STXBP5: variants seen among roughly 807,000 people sequenced by gnomAD.
STXBP5 encodes the protein syntaxin-binding protein 5.
In STXBP5, 50 loss-of-function variants were observed where a neutral mutation model predicts 152.4. That is an observed-to-expected ratio of 0.33 (90% CI 0.26 to 0.42). The LOEUF (loss-of-function observed/expected upper bound fraction) is 0.42, where lower values mean the gene tolerates loss of function less well. Among genes scored for constraint, STXBP5 ranks in the 10% least tolerant of loss-of-function variants. The probability of loss-of-function intolerance (pLI) is 1.00; values close to 1 mark genes in which losing one functional copy is unlikely to be tolerated. For synonymous variants in STXBP5, 492 were observed against 494.7 expected (o/e 0.99, Z 0.07); for missense variants, 1,167 against 1,388.6 (o/e 0.84, Z 2.54).
intron 2 of STXBP5, among the ~76,000 whole-genome samples, chr6:147,225,159 G>A (rs1777646740): frequency 6.6e-6 from 1 of 152,022 alleles, no homozygotes; most frequent in African/African-American, 2.4e-5. Context: ...TTTTTACTGT[G>A]GTAAGAAGGA....
chr6:147,255,517 T>C (rs938887771), intron 4 of STXBP5, among the ~76,000 whole-genome samples: 4 of 151,886 alleles, frequency 2.6e-5, no homozygotes, highest in African/African-American at 4.8e-5. Flanking sequence ...GTTGTTGTTG[T>C]TGTTGTTGTT....
intron 7 of STXBP5, among the ~76,000 whole-genome samples, chr6:147,270,308 A>G (rs972875510): frequency 1.3e-5 from 2 of 151,270 alleles, no homozygotes; most frequent in Non-Finnish European, 2.9e-5. Flanking sequence ...CCGAGGCAGG[A>G]GAATGGCTTG....
chr6:147,268,411 A>G (rs1351317573), intron 7 of STXBP5, among the ~76,000 whole-genome samples: 2 of 152,218 alleles, frequency 1.3e-5, no homozygotes, highest in African/African-American at 4.8e-5. Flanking sequence ...AATCTTAGTC[A>G]TAATCATATT....
chr6:147,261,597 T>C (rs548275979), intron 5 of STXBP5, among the ~76,000 whole-genome samples: 1 of 152,128 alleles, frequency 6.6e-6, no homozygotes, highest in Admixed American at 6.6e-5. Context: ...TTAATCCTGG[T>C]TTTTCTTCTT....
intron 2 of STXBP5, among the ~76,000 whole-genome samples, chr6:147,219,570 T>TA (rs1777352175): frequency 6.6e-6 from 1 of 152,200 alleles, no homozygotes; most frequent in South Asian, 2.1e-4. Flanking sequence ...CTTTAATGTA[T>TA]AGAAGCCTAT....
Position 147,204,519 on chromosome 6 carries a change from G to A in STXBP5, c.-14G>A, listed in dbSNP as rs11963039. 6,080 of 1,610,046 alleles carry A rather than the reference G, an allele frequency of 3.8e-3. 213 individuals are homozygous for A. In the African/African-American group the frequency reaches 0.073, roughly 19 times the overall value. On this transcript the variant is annotated 5_prime_UTR_variant, in exon 1 of 28. Coordinates refer to ENST00000321680, the MANE Select transcript of STXBP5 (RefSeq NM_001127715.4). The surrounding 1 kb of genome is among the most constrained non-coding windows in gnomAD (Gnocchi z 4.3). ...GCCTCCCCTCCCGGGCTGCGGGGGA[G>A]CCCCTCCGAGACCATGAGGAAATTC... is the stretch of plus-strand genomic sequence containing the variant.
At position 147,217,493 on chromosome 6, in the gene STXBP5, C is replaced by T. The variant is rs891033634; in HGVS notation, c.248+11425C>T. On this transcript the variant is annotated intron_variant, in intron 2 of 27. Coordinates refer to ENST00000321680, the MANE Select transcript of STXBP5 (RefSeq NM_001127715.4). ...GTGGTTCCTTTAAAAGTATATTTAT[C>T]TATCAAAAGCCATTCTAAAGAATTG... 3.9e-5 allele frequency among the ~76,000 whole-genome samples: 6 copies of T among 152,188 alleles called. No individual in the cohort carries two copies. The East Asian group carries it at 1.2e-3, about 29-fold the overall frequency.
At chr6:147,374,656 T>G (rs1785723748) in intron 26 of STXBP5, among the ~76,000 whole-genome samples, 1 of 152,128 alleles carries the variant, frequency 6.6e-6, no homozygotes, top group African/African-American at 2.4e-5. Context: ...AATCATATAG[T>G]AAGAAGTTTT....
At chr6:147,369,251 A>G (rs1785434506) in intron 25 of STXBP5, among the ~76,000 whole-genome samples, 1 of 152,020 alleles carries the variant, frequency 6.6e-6, no homozygotes, top group Admixed American at 6.6e-5. Flanking sequence ...TAGTGCTGGA[A>G]CTATTGGATA....
chr6:147,248,245 C>T (rs567211275), intron 4 of STXBP5, among the ~76,000 whole-genome samples: 24 of 148,244 alleles, frequency 1.6e-4, no homozygotes, highest in Admixed American at 1.1e-3. Context: ...CACACCACTG[C>T]GCTCCAAACT....
At chr6:147,245,627 C>T (rs1272789342) in intron 4 of STXBP5, among the ~76,000 whole-genome samples, 2 of 152,132 alleles carry the variant, frequency 1.3e-5, no homozygotes. Flanking sequence ...ATCTTAAAGT[C>T]CTAACCCCTG....
At chr6:147,215,716 T>G (rs769700244) in intron 2 of STXBP5, among the ~76,000 whole-genome samples, 15 of 152,150 alleles carry the variant, frequency 9.9e-5, no homozygotes, top group Admixed American at 3.3e-4. Context: ...TAATACATAG[T>G]AACTCTATAT....
chr6:147,372,661 C>T (rs1324264681), intron 25 of STXBP5, among the ~76,000 whole-genome samples: 1 of 151,678 alleles, frequency 6.6e-6, no homozygotes, highest in African/African-American at 2.4e-5. Flanking sequence ...TCTCGAACAC[C>T]TGACCTCATG....
intron 9 of STXBP5, among the ~76,000 whole-genome samples, chr6:147,305,424 A>G (rs1170431607): frequency 2.0e-5 from 3 of 151,962 alleles, no homozygotes; most frequent in Admixed American, 2.0e-4. Context: ...GTTGTTTTGG[A>G]TTATTTCATT....
At chr6:147,366,472 A>G (rs1785296056) in intron 25 of STXBP5, among the ~76,000 whole-genome samples, 1 of 152,230 alleles carries the variant, frequency 6.6e-6, no homozygotes, top group African/African-American at 2.4e-5. Context: ...TCAATGTGCT[A>G]GCAGGGTCTT....
intron 25 of STXBP5, among the ~76,000 whole-genome samples, chr6:147,368,773 C>G (rs898929678): frequency 1.3e-4 from 19 of 151,828 alleles, no homozygotes; most frequent in Admixed American, 1.2e-3. Context: ...GATAAATATA[C>G]AAAAATAATT....
chr6:147,215,931 ATCTT>A (rs1362803638), intron 2 of STXBP5, among the ~76,000 whole-genome samples: 5 of 152,122 alleles, frequency 3.3e-5, no homozygotes, highest in Admixed American at 2.0e-4. Flanking sequence ...TTTTCTTAAT[ATCTT>A]TCTTAATATC....
At chr6:147,363,939 G>A in intron 24 of STXBP5, 62 bp from the exon 25 acceptor site, 1 of 1,528,884 alleles carries the variant, frequency 6.5e-7, no homozygotes, top group Admixed American at 1.9e-5. Context: ...TTTTAACAAT[G>A]ATAGTGTGTT....
chr6:147,305,983 CT>C (rs1782071331), intron 9 of STXBP5, among the ~76,000 whole-genome samples: 1 of 152,120 alleles, frequency 6.6e-6, no homozygotes, highest in Admixed American at 6.5e-5. Context: ...TTGACTAGAG[CT>C]TAAATCCCAA....
Sources: allele counts gnomAD v4.1 joint callset (sites outside exome capture counted in the v4.1 genomes callset), GRCh38; gene constraint gnomAD v4.1.1; non-coding constraint Gnocchi (gnomAD v3.1); transcripts MANE v1.5; gene names NCBI Gene and HGNC (gene_info 2026-07-23, HGNC 2026-07-21).